The following CEP128 variants were observed in gnomAD, a reference collection of about 807,000 sequenced individuals.
CEP128 encodes centrosomal protein 128kDa.
CEP128 carries 132 observed loss-of-function variants against 156.7 expected under a neutral mutation model. The observed-to-expected ratio is 0.84, with a 90% CI of 0.73 to 0.97. The LOEUF is 0.97. Ranked by LOEUF, CEP128 falls within the 50% of genes least tolerant of loss-of-function variation. The pLI is 0.00. For synonymous variants in CEP128, 469 were observed against 448.9 expected (o/e 1.04, Z -0.57); for missense variants, 1,252 against 1,281.9 (o/e 0.98, Z 0.36).
chr14:80,699,556 T>C (rs937961570), intron 19 of CEP128, among the ~76,000 whole-genome samples: 15 of 152,300 alleles, frequency 9.8e-5, no homozygotes, highest in Admixed American at 3.9e-4. Flanking sequence ...CTTCATTTAG[T>C]ATATGCCACC....
In CEP128 at chr14:80,891,200, T is replaced by G. The variant is rs374850482; in HGVS notation, c.645+4518A>C. Among the ~76,000 whole-genome samples the G allele has an allele frequency of 1.9e-4, 29 of 152,240 alleles. 4 individuals carry two copies. The highest frequency in any genetic ancestry group is 8.5e-4 in the Admixed American group (13 of 15,274). ...CCACATGATCCAGCAATCCCACTGC[T>G]AGGTATATACCCAAAACAAAGGAAG... On this transcript the variant is annotated intron_variant, in intron 8 of 24. Transcript: ENST00000555265.
chr14:80,714,317 C>A (rs1897523144), intron 19 of CEP128, among the ~76,000 whole-genome samples: 1 of 152,056 alleles, frequency 6.6e-6, no homozygotes, highest in Non-Finnish European at 1.5e-5. Context: ...CACATACACA[C>A]ACACACATAC....
chr14:80,857,664 C>T (rs10139039), intron 9 of CEP128, among the ~76,000 whole-genome samples: 9,759 of 151,046 alleles, frequency 0.065, 1,051 homozygotes, highest in African/African-American at 0.22. Context: ...TCTCTTGAAC[C>T]CAGGAATTCG....
At chr14:80,795,515 C>CTCTA (rs1883411099) in intron 13 of CEP128, among the ~76,000 whole-genome samples, 1 of 152,176 alleles carries the variant, frequency 6.6e-6, no homozygotes, top group Non-Finnish European at 1.5e-5. Context: ...AAACCACCAA[C>CTCTA]TCTAGGTGAA....
intron 8 of CEP128, among the ~76,000 whole-genome samples, chr14:80,887,974 A>T (rs1018665056): frequency 6.6e-6 from 1 of 152,184 alleles, no homozygotes; most frequent in Admixed American, 6.5e-5. Context: ...AGAAATACAC[A>T]CTACCATCAG....
intron 14 of CEP128, among the ~76,000 whole-genome samples, chr14:80,786,266 T>C (rs909518226): frequency 1.3e-5 from 2 of 152,102 alleles, no homozygotes; most frequent in African/African-American, 2.4e-5. Context: ...CACCTAATCA[T>C]TGCAAATAAA....
intron 13 of CEP128, among the ~76,000 whole-genome samples, chr14:80,828,565 T>A (rs930973817): frequency 6.6e-6 from 1 of 152,144 alleles, no homozygotes; most frequent in Non-Finnish European, 1.5e-5. Context: ...CCAATTCCAC[T>A]TTTACATGGG....
At chr14:80,856,913 G>GT (rs1457411291) in intron 9 of CEP128, among the ~76,000 whole-genome samples, 2 of 150,222 alleles carry the variant, frequency 1.3e-5, no homozygotes, top group East Asian at 3.9e-4. Flanking sequence ...GCTGTTGTTT[G>GT]TTTTTTGTAT....
intron 15 of CEP128, among the ~76,000 whole-genome samples, chr14:80,783,919 CA>C (rs1386003763): frequency 2.0e-5 from 3 of 152,154 alleles, no homozygotes; most frequent in African/African-American, 7.2e-5. Flanking sequence ...CTGAAGACCC[CA>C]AATCCACTAA....
intron 19 of CEP128, among the ~76,000 whole-genome samples, chr14:80,735,663 A>G (rs910771149): frequency 6.6e-6 from 1 of 152,134 alleles, no homozygotes; most frequent in African/African-American, 2.4e-5. Flanking sequence ...AAATGATGCA[A>G]ATTTATTATG....
rs566205009 is a variant in CEP128, at chr14:80,662,574, T to C, written c.2806+80501A>G. Reference sequence around the variant, plus strand: ...TGACAGTGTGCAGTTAAATAGAGGATTTGCAACACTGCAAATCAAGAAAAA... The same window carrying C: ...TGACAGTGTGCAGTTAAATAGAGGACTTGCAACACTGCAAATCAAGAAAAA... On this transcript the variant is annotated intron_variant, in intron 19 of 24. Coordinates refer to ENST00000555265, the MANE Select transcript of CEP128 (RefSeq NM_152446.5). Among the ~76,000 whole-genome samples, 11 of 152,134 alleles carry C rather than the reference T, an allele frequency of 7.2e-5. No homozygotes were observed. The South Asian group carries it at 1.9e-3, about 26-fold the overall frequency.
chr14:80,634,658 A>C (rs1253875929), intron 19 of CEP128, among the ~76,000 whole-genome samples: 1 of 151,876 alleles, frequency 6.6e-6, no homozygotes, highest in Non-Finnish European at 1.5e-5. Flanking sequence ...GGAGAAGCCA[A>C]CCTCGCAAGT....
chr14:80,531,723 C>A (rs571502766), intron 21 of CEP128, among the ~76,000 whole-genome samples: 12 of 152,064 alleles, frequency 7.9e-5, no homozygotes, highest in African/African-American at 2.9e-4. Flanking sequence ...CTATGGCTGA[C>A]GCATGGGAAG....
downstream of CEP128, among the ~76,000 whole-genome samples, chr14:80,493,912 C>T (rs1028731787): frequency 1.1e-4 from 17 of 152,190 alleles, no homozygotes; most frequent in Non-Finnish European, 2.1e-4. Flanking sequence ...GATTGGTTTA[C>T]TTTGTTACTA....
intron 15 of CEP128, among the ~76,000 whole-genome samples, chr14:80,779,981 C>A (rs1409680269): frequency 6.6e-6 from 1 of 151,764 alleles, no homozygotes; most frequent in Admixed American, 6.6e-5. Context: ...TCTTCTGAAT[C>A]CAAAAAAAGG....
intron 23 of CEP128, among the ~76,000 whole-genome samples, chr14:80,505,905 G>A (rs565313370): frequency 9.2e-5 from 14 of 152,248 alleles, no homozygotes; most frequent in African/African-American, 2.9e-4. Context: ...CTAAGAGAAA[G>A]CAAGACATTG....
intron 20 of CEP128, among the ~76,000 whole-genome samples, chr14:80,579,987 T>C (rs1891519114): frequency 6.6e-6 from 1 of 152,244 alleles, no homozygotes; most frequent in African/African-American, 2.4e-5. Flanking sequence ...GGTTGGTCAT[T>C]AGTAGATGAC....
At chr14:80,955,881 C>T (rs969571271) in intron 2 of CEP128, 6 of 1,613,790 alleles carry the variant, frequency 3.7e-6, no homozygotes, top group Non-Finnish European at 4.2e-6. Flanking sequence ...AGGGTAGGAC[C>T]CAGAGATCAA....
chr14:80,921,616 G>A (rs1477503618), intron 2 of CEP128, among the ~76,000 whole-genome samples: 1 of 152,128 alleles, frequency 6.6e-6, no homozygotes, highest in African/African-American at 2.4e-5. Flanking sequence ...GGAGTGGGGA[G>A]AAACAGAACA....
Sources: allele counts gnomAD v4.1 joint callset (sites outside exome capture counted in the v4.1 genomes callset), GRCh38; gene constraint gnomAD v4.1.1; transcripts MANE v1.5; gene names NCBI Gene and HGNC (gene_info 2026-07-23, HGNC 2026-07-21).